Variants in NYAP2 observed in about 807,000 individuals in gnomAD.
NYAP2 encodes the protein neuronal tyrosine-phosphorylated phosphoinositide-3-kinase adapter 2.
In NYAP2, 23 loss-of-function variants were observed where a neutral mutation model predicts 50.4. That is an observed-to-expected ratio of 0.46 (90% confidence interval 0.33 to 0.65). NYAP2 has a LOEUF of 0.65. NYAP2 is among the 30% of genes least tolerant of loss of function. The probability of loss-of-function intolerance (pLI) is 0.02; values close to 1 mark genes in which losing one functional copy is unlikely to be tolerated. For missense variants in NYAP2, 885 were observed against 861.0 expected, an observed-to-expected ratio of 1.03 and a Z score of -0.35; for synonymous variants, 394 against 365.2, an observed-to-expected ratio of 1.08 and a Z score of -0.90.
intron 3 of NYAP2, among the ~76,000 whole-genome samples, chr2:225,436,827 A>G (rs1469768587): frequency 3.3e-5 from 5 of 150,584 alleles, no homozygotes; most frequent in Admixed American, 1.3e-4. Flanking sequence ...CTTTGTCCCC[A>G]TCTTCACTCC....
chr2:225,427,120 C>A (rs1283727167), intron 3 of NYAP2, among the ~76,000 whole-genome samples: 1 of 152,122 alleles, frequency 6.6e-6, no homozygotes, highest in Admixed American at 6.6e-5. Context: ...CTCCTAATGA[C>A]CTCTGAGCAG....
At chr2:225,533,574 A>C (rs1281593284) in intron 4 of NYAP2, among the ~76,000 whole-genome samples, 2 of 152,126 alleles carry the variant, frequency 1.3e-5, no homozygotes, top group East Asian at 3.9e-4. Context: ...CTGTGGTCCC[A>C]GGTACTTCTG....
intron 3 of NYAP2, among the ~76,000 whole-genome samples, chr2:225,450,136 G>A (rs540623680): frequency 4.6e-5 from 7 of 152,256 alleles, no homozygotes; most frequent in African/African-American, 1.4e-4. Context: ...TGAGGAGTTC[G>A]ACATTGTCAA....
At chr2:225,405,079 T>C (rs1430934507) in intron 2 of NYAP2, among the ~76,000 whole-genome samples, 1 of 152,026 alleles carries the variant, frequency 6.6e-6, no homozygotes, top group Non-Finnish European at 1.5e-5. Flanking sequence ...TTTCAACCAA[T>C]GCTCAGGGAG....
intron 3 of NYAP2, among the ~76,000 whole-genome samples, chr2:225,418,884 T>A (rs1695168385): frequency 6.6e-6 from 1 of 152,220 alleles, no homozygotes; most frequent in Non-Finnish European, 1.5e-5. Flanking sequence ...TGTTATTGTA[T>A]GTGTGTAATA....
At chr2:225,433,654 A>C (rs1443103046) in intron 3 of NYAP2, among the ~76,000 whole-genome samples, 2 of 151,692 alleles carry the variant, frequency 1.3e-5, no homozygotes, top group African/African-American at 4.8e-5. Context: ...TCCTGAGTAA[A>C]TGATTTAAAA....
intron 5 of NYAP2, among the ~76,000 whole-genome samples, chr2:225,597,101 C>A (rs1382808856): frequency 6.6e-6 from 1 of 151,882 alleles, no homozygotes; most frequent in Non-Finnish European, 1.5e-5. Context: ...GTCTAATGTC[C>A]TGGGGTTAAA....
chr2:225,467,427 T>G (rs1356851239), intron 3 of NYAP2, among the ~76,000 whole-genome samples: 1 of 152,138 alleles, frequency 6.6e-6, no homozygotes, highest in African/African-American at 2.4e-5. Flanking sequence ...ACATTCCTGA[T>G]TGGGGTGGTG....
chr2:225,577,786 T>C (rs1692194039), intron 4 of NYAP2, among the ~76,000 whole-genome samples: 1 of 148,250 alleles, frequency 6.7e-6, no homozygotes, highest in African/African-American at 2.5e-5. Context: ...CAAGGACGGA[T>C]GTCAGGGAAT....
At chr2:225,648,835 C>T (rs997995370) in intron 6 of NYAP2, among the ~76,000 whole-genome samples, 1 of 152,134 alleles carries the variant, frequency 6.6e-6, no homozygotes, top group Non-Finnish European at 1.5e-5. Context: ...CTATGGGAAC[C>T]TGCATTTGAC....
chr2:225,610,544 A>G (rs1179074425), intron 5 of NYAP2, among the ~76,000 whole-genome samples: 1 of 152,210 alleles, frequency 6.6e-6, no homozygotes, highest in East Asian at 1.9e-4. Flanking sequence ...TTAGAATAGT[A>G]GATAGAAGGA....
At chr2:225,601,432 C>T (rs1384626147) in intron 5 of NYAP2, among the ~76,000 whole-genome samples, 2 of 152,142 alleles carry the variant, frequency 1.3e-5, no homozygotes, top group Non-Finnish European at 2.9e-5. Flanking sequence ...GACCACCAAA[C>T]CCAGCCTCTG....
At position 225,512,593 on chromosome 2, in the gene NYAP2, T is replaced by G. The variant is rs552651174; in HGVS notation, c.222-778T>G. Among the ~76,000 whole-genome samples, 17 of 148,852 alleles carry G rather than the reference T, an allele frequency of 1.1e-4. No homozygotes were observed. In the Middle Eastern group the frequency reaches 0.01, roughly 90 times the overall value. The stretch of plus-strand genomic sequence containing the variant: ...CTTCCTTTCCTTTCCTGCCTTCCCC[T>G]TTCCTTTCCCTTCCTCTCCTTTGCT... On this transcript the variant is annotated intron_variant, in intron 3 of 6. Coordinates refer to ENST00000636099, the Ensembl canonical transcript of NYAP2.
rs763846116 is a variant in NYAP2, at chr2:225,622,506, C to CT, written c.1619-4408dup. 7.4e-3 allele frequency among the ~76,000 whole-genome samples: 139 copies of CT among 18,814 alleles called. 1 individual carries two copies. The highest frequency in any genetic ancestry group is 0.019 in the Non-Finnish European group (104 of 5,368). 12.3% of individuals were successfully genotyped at this position (18,814 alleles called of 152,430 possible). The stretch of plus-strand genomic sequence containing the variant: ...GACATTAACCAATTTTATTTCTTTT[C>CT]TTTCTTTCTTTCTTCTTTCTTTCTT... On this transcript the variant is annotated intron_variant, in intron 5 of 6. Coordinates refer to ENST00000636099, the Ensembl canonical transcript of NYAP2.
intron 3 of NYAP2, among the ~76,000 whole-genome samples, chr2:225,491,672 T>A: frequency 6.6e-6 from 1 of 152,198 alleles, no homozygotes; most frequent in African/African-American, 2.4e-5. Context: ...TGGGCTGGAC[T>A]GGGGGTCTTT....
chr2:225,455,466 A>G (rs1226908576), intron 3 of NYAP2, among the ~76,000 whole-genome samples: 1 of 152,186 alleles, frequency 6.6e-6, no homozygotes, highest in Non-Finnish European at 1.5e-5. Context: ...CTCCCCTTCA[A>G]TATACAGTCC....
chr2:225,455,014 C>T (rs1689717765), intron 3 of NYAP2, among the ~76,000 whole-genome samples: 1 of 151,976 alleles, frequency 6.6e-6, no homozygotes, highest in Admixed American at 6.6e-5. Context: ...AGTACCTGAG[C>T]AAACTTCACT....
intron 4 of NYAP2, among the ~76,000 whole-genome samples, chr2:225,568,714 G>T (rs1007186844): frequency 1.3e-5 from 2 of 152,166 alleles, no homozygotes; most frequent in Non-Finnish European, 2.9e-5. Flanking sequence ...GCACCAATAA[G>T]CTCACATAAA....
At chr2:225,488,820 A>G (rs1343101124) in intron 3 of NYAP2, among the ~76,000 whole-genome samples, 1 of 152,226 alleles carries the variant, frequency 6.6e-6, no homozygotes, top group African/African-American at 2.4e-5. Context: ...CATAGTCTAC[A>G]GAACCAAGTC....
Sources: allele counts gnomAD v4.1 joint callset (sites outside exome capture counted in the v4.1 genomes callset), GRCh38; gene constraint gnomAD v4.1.1; transcripts MANE v1.5; gene names NCBI Gene and HGNC (gene_info 2026-07-23, HGNC 2026-07-21).